Variants in CDH12 observed in about 807,000 individuals in gnomAD.
The protein encoded by CDH12 is cadherin 12.
A neutral mutation model predicts 74.1 loss-of-function variants in CDH12; 41 were observed. The observed-to-expected ratio is 0.55, with a 90% CI of 0.43 to 0.72. The LOEUF is 0.72. CDH12 is among the 30% of genes least tolerant of loss of function. CDH12 has a pLI of 0.00. For synonymous variants in CDH12, 399 were observed against 355.0 expected (o/e 1.12, Z -1.39); for missense variants, 945 against 977.2 (o/e 0.97, Z 0.44).
intron 2 of CDH12, among the ~76,000 whole-genome samples, chr5:22,424,048 GAA>G (rs1208254020): frequency 9.5e-6 from 1 of 104,828 alleles, no homozygotes; most frequent in African/African-American, 3.5e-5. Context: ...GAAAAAGAAA[GAA>G]AAAAAAAAGA....
chr5:21,969,310 T>C (rs2150117375), intron 6 of CDH12, among the ~76,000 whole-genome samples: 1 of 152,250 alleles, frequency 6.6e-6, no homozygotes, highest in South Asian at 2.1e-4. Context: ...ACATGAATCA[T>C]TGAGAGCCAG....
intron 3 of CDH12, among the ~76,000 whole-genome samples, chr5:22,341,196 T>C (rs965522385): frequency 2.1e-4 from 32 of 152,192 alleles, no homozygotes; most frequent in Admixed American, 1.6e-3. Context: ...AGATATTCTT[T>C]TAACATAAAG....
At chr5:21,883,552 G>A in intron 6 of CDH12, 1 of 1,608,652 alleles carries the variant, frequency 6.2e-7, no homozygotes, top group Non-Finnish European at 8.5e-7. Context: ...ATTGCTACTG[G>A]TGGTGCAGTG....
chr5:22,675,473 T>C lies in CDH12; in HGVS notation c.-522-170109A>G, dbSNP rs144344585. 9.3e-3 allele frequency among the ~76,000 whole-genome samples: 1,423 copies of C among 152,284 alleles called. 10 individuals are homozygous for C. The highest frequency in any genetic ancestry group is 0.014 in the Admixed American group (217 of 15,276). ...GGGCCCTCATGGAGGAGCAACTAAC[T>C]TGCTTTTGATTCTACAGGCTCATAG... On this transcript the variant is annotated intron_variant, in intron 1 of 14. Coordinates refer to ENST00000382254, the MANE Select transcript of CDH12 (RefSeq NM_004061.5).
intron 6 of CDH12, among the ~76,000 whole-genome samples, chr5:21,920,097 G>T (rs75910687): frequency 2.0e-4 from 30 of 152,160 alleles, no homozygotes; most frequent in Middle Eastern, 3.4e-3. Flanking sequence ...AGAGATAAAA[G>T]ACATTCATTC....
intron 6 of CDH12, among the ~76,000 whole-genome samples, chr5:21,915,701 G>GA (rs1028505338): frequency 1.7e-4 from 26 of 152,060 alleles, no homozygotes; most frequent in African/African-American, 6.0e-4. Flanking sequence ...TTGGGATGGG[G>GA]AAAATGAGTA....
chr5:22,740,475 T>C (rs1393219783), intron 1 of CDH12, among the ~76,000 whole-genome samples: 1 of 152,046 alleles, frequency 6.6e-6, no homozygotes, highest in Non-Finnish European at 1.5e-5. Flanking sequence ...AAAAGGCTAC[T>C]GCTTATGATT....
In CDH12 at chr5:22,086,517, T is replaced by TTTTG. The variant is rs371758444; in HGVS notation, c.-186-7659_-186-7656dup. On this transcript the variant is annotated intron_variant, in intron 4 of 14. Coordinates refer to ENST00000382254, the MANE Select transcript of CDH12 (RefSeq NM_004061.5). ...TGCCAACAAGTCCCACTAATTTGTT[T>TTTTG]TTTGTTTGTTTGTTTGTTTGTTTGT... Among the ~76,000 whole-genome samples the TTTTG allele has an allele frequency of 9.0e-3, 1,358 of 151,160 alleles. 8 individuals carry two copies. The highest frequency in any genetic ancestry group is 0.021 in the African/African-American group (839 of 40,878).
At chr5:22,480,876 C>T (rs143016293) in intron 2 of CDH12, among the ~76,000 whole-genome samples, 94 of 152,244 alleles carry the variant, frequency 6.2e-4, no homozygotes, top group African/African-American at 2.1e-3. Flanking sequence ...GCAATGCTCA[C>T]GCAAATTCTT....
At chr5:22,795,011 T>G (rs1748115768) in intron 1 of CDH12, among the ~76,000 whole-genome samples, 1 of 152,124 alleles carries the variant, frequency 6.6e-6, no homozygotes, top group Admixed American at 6.5e-5. Context: ...TGCCAAAAAA[T>G]GAAGGTAATT....
At chr5:22,085,078 T>A (rs1164298202) in intron 4 of CDH12, among the ~76,000 whole-genome samples, 2 of 152,206 alleles carry the variant, frequency 1.3e-5, no homozygotes, top group Non-Finnish European at 2.9e-5. Context: ...TATTTGTCTA[T>A]GCTTCCTCAT....
At chr5:22,724,289 T>A (rs1341214159) in intron 1 of CDH12, among the ~76,000 whole-genome samples, 4 of 151,900 alleles carry the variant, frequency 2.6e-5, no homozygotes, top group African/African-American at 9.7e-5. Flanking sequence ...TGTTAATGGG[T>A]AAGTCATTTA....
At chr5:22,810,021 T>C (rs1011525169) in intron 1 of CDH12, among the ~76,000 whole-genome samples, 2 of 152,100 alleles carry the variant, frequency 1.3e-5, no homozygotes, top group African/African-American at 4.8e-5. Flanking sequence ...AACACCTATG[T>C]TGTTTTTATT....
chr5:22,256,122 A>T (rs1438027832), intron 3 of CDH12, among the ~76,000 whole-genome samples: 1 of 152,170 alleles, frequency 6.6e-6, no homozygotes, highest in African/African-American at 2.4e-5. Flanking sequence ...TCATATTAAG[A>T]TAGGCAAGTA....
intron 4 of CDH12, among the ~76,000 whole-genome samples, chr5:22,093,105 G>A (rs970755798): frequency 6.6e-6 from 1 of 152,136 alleles, no homozygotes; most frequent in African/African-American, 2.4e-5. Context: ...ATGTTATTAA[G>A]CAGCATGGTC....
intron 6 of CDH12, among the ~76,000 whole-genome samples, chr5:21,924,467 G>A (rs1265063372): frequency 6.6e-6 from 1 of 152,104 alleles, no homozygotes; most frequent in Non-Finnish European, 1.5e-5. Flanking sequence ...AGTGAACTGA[G>A]ATTGTGCCAT....
chr5:22,244,740 A>AAAAGAAAGAAAGAAAGAAAGAAAGAAAG (rs200900772), intron 3 of CDH12, among the ~76,000 whole-genome samples: 1 of 92,570 alleles, frequency 1.1e-5, no homozygotes, highest in African/African-American at 3.4e-5. Flanking sequence ...AGAAAGAAAG[A>AAAAGAAAGAAAGAAAGAAAGAAAGAAAG]AAAGAAAGAA....
intron 1 of CDH12, among the ~76,000 whole-genome samples, chr5:22,607,178 A>G (rs1043946504): frequency 6.6e-6 from 1 of 152,124 alleles, no homozygotes; most frequent in African/African-American, 2.4e-5. Context: ...AGAAAAACCT[A>G]TTTTCTGGGG....
At chr5:22,283,048 AC>A (rs1736958956) in intron 3 of CDH12, among the ~76,000 whole-genome samples, 1 of 152,062 alleles carries the variant, frequency 6.6e-6, no homozygotes, top group South Asian at 2.1e-4. Flanking sequence ...ACCATGGAAT[AC>A]TATGCAGCCA....
Sources: gnomAD v4.1 joint callset for allele counts (sites outside exome capture counted in the v4.1 genomes callset) on GRCh38, gnomAD v4.1.1 for gene constraint, MANE v1.5 for transcripts, NCBI Gene and HGNC (gene_info 2026-07-23, HGNC 2026-07-21) for gene names.